The following OPCML variants were observed in gnomAD, a reference collection of about 807,000 sequenced individuals.
OPCML encodes the protein opioid-binding protein/cell adhesion molecule.
In OPCML, 13 loss-of-function variants were observed where a neutral mutation model predicts 37.8. That is an observed-to-expected ratio of 0.34 (90% confidence interval 0.22 to 0.55). The LOEUF is 0.55. OPCML is among the 20% of genes least tolerant of loss of function. The pLI is 0.91. For synonymous variants in OPCML, 176 were observed against 168.8 expected (o/e 1.04, Z -0.33); for missense variants, 341 against 435.6 (o/e 0.78, Z 1.93).
At chr11:132,556,547 T>A (rs1454658256) in intron 3 of OPCML, among the ~76,000 whole-genome samples, 1 of 152,162 alleles carries the variant, frequency 6.6e-6, no homozygotes, top group African/African-American at 2.4e-5. Flanking sequence ...GTGTGTGGAA[T>A]CTCAGCTCAT....
At chr11:133,521,984 A>G (rs1327703941) in intron 1 of OPCML, among the ~76,000 whole-genome samples, 1 of 152,134 alleles carries the variant, frequency 6.6e-6, no homozygotes, top group Non-Finnish European at 1.5e-5. Flanking sequence ...CCTGTTCTAC[A>G]TTTGTCTACA....
chr11:133,402,685 AC>A (rs1945432403), intron 1 of OPCML, among the ~76,000 whole-genome samples: 1 of 152,148 alleles, frequency 6.6e-6, no homozygotes, highest in Non-Finnish European at 1.5e-5. Flanking sequence ...AGCAGCCAGA[AC>A]CTAGGATGAG....
chr11:132,566,144 A>T (rs1224102083), intron 3 of OPCML, among the ~76,000 whole-genome samples: 1 of 152,270 alleles, frequency 6.6e-6, no homozygotes, highest in Non-Finnish European at 1.5e-5. Flanking sequence ...GATATCTGGT[A>T]GAGGAGAAAT....
intron 1 of OPCML, chr11:133,004,161 T>C (rs1442786631): frequency 1.0e-6 from 1 of 985,222 alleles, no homozygotes; most frequent in East Asian, 1.1e-4. Context: ...AGAGAGTGGG[T>C]CTCACTCCTC....
chr11:133,229,340 A>C (rs1221906725), intron 1 of OPCML, among the ~76,000 whole-genome samples: 1 of 152,184 alleles, frequency 6.6e-6, no homozygotes, highest in Non-Finnish European at 1.5e-5. Flanking sequence ...TCCTGACCAG[A>C]TCAATTGTCT....
Position 133,282,568 on chromosome 11 carries a change from G to A in OPCML, c.61+249696C>T, listed in dbSNP as rs932697277. On this transcript the variant is annotated intron_variant, in intron 1 of 7. Coordinates refer to ENST00000524381, the MANE Select transcript of OPCML (RefSeq NM_001012393.5). Reference sequence around the variant, plus strand: ...CCACTAGGGCAGTGCAGAGGGAGGGGAAATGGGGGGATGAAGCCCCCATGC... The same window carrying A: ...CCACTAGGGCAGTGCAGAGGGAGGGAAAATGGGGGGATGAAGCCCCCATGC... 4.6e-5 allele frequency among the ~76,000 whole-genome samples: 7 copies of A among 152,298 alleles called. No individual in the cohort carries two copies. The East Asian group carries it at 1.4e-3, about 29-fold the overall frequency.
At chr11:133,516,417 G>C (rs1033008858) in intron 1 of OPCML, among the ~76,000 whole-genome samples, 2 of 152,012 alleles carry the variant, frequency 1.3e-5, no homozygotes, top group Non-Finnish European at 2.9e-5. Flanking sequence ...AGATCTGGGG[G>C]GACACACTCA....
At chr11:133,207,365 C>T (rs1939125145) in intron 1 of OPCML, among the ~76,000 whole-genome samples, 1 of 152,008 alleles carries the variant, frequency 6.6e-6, no homozygotes, top group Non-Finnish European at 1.5e-5. Flanking sequence ...TGATACTGAG[C>T]AGGTTAACAG....
intron 2 of OPCML, among the ~76,000 whole-genome samples, chr11:132,901,296 TA>T (rs1944053856): frequency 6.6e-6 from 1 of 152,180 alleles, no homozygotes; most frequent in Non-Finnish European, 1.5e-5. Flanking sequence ...ACAAGCTAAA[TA>T]AACACCAGCT....
At chr11:132,952,970 A>G (rs1295081113) in intron 1 of OPCML, among the ~76,000 whole-genome samples, 1 of 152,226 alleles carries the variant, frequency 6.6e-6, no homozygotes, top group Non-Finnish European at 1.5e-5. Context: ...AAACTTTAAA[A>G]TAAACAAGCC....
chr11:132,442,073 G>A (rs764703213), intron 4 of OPCML, among the ~76,000 whole-genome samples: 1 of 152,226 alleles, frequency 6.6e-6, no homozygotes, highest in Admixed American at 6.5e-5. Flanking sequence ...GGATGAGCGA[G>A]GTGTTGTGTC....
At chr11:132,939,876 G>A (rs1365204844) in intron 2 of OPCML, among the ~76,000 whole-genome samples, 1 of 152,180 alleles carries the variant, frequency 6.6e-6, no homozygotes, top group Non-Finnish European at 1.5e-5. Flanking sequence ...CTGGCCAAGA[G>A]GGCCCATTTG....
rs550462327 is a variant in OPCML, at chr11:132,538,730, C to G, written c.380-9544G>C. Among the ~76,000 whole-genome samples, 58 of 152,268 alleles carry G rather than the reference C, an allele frequency of 3.8e-4. No individual in the cohort carries two copies. The South Asian group carries it at 0.011, about 30-fold the overall frequency. On this transcript the variant is annotated intron_variant, in intron 3 of 7. Coordinates refer to ENST00000524381, the MANE Select transcript of OPCML (RefSeq NM_001012393.5). ...ATAATGCTGCATAATGTCTGCTTAA[C>G]TCCCCATTTCTCATTACTTGCCCAC...
intron 1 of OPCML, among the ~76,000 whole-genome samples, chr11:133,471,318 A>G (rs1467025866): frequency 6.6e-6 from 1 of 152,232 alleles, no homozygotes; most frequent in Non-Finnish European, 1.5e-5. Context: ...TGTAAAATAG[A>G]GTGAAGAAGC....
chr11:132,582,408 C>T (rs765840072), intron 3 of OPCML, among the ~76,000 whole-genome samples: 1 of 151,838 alleles, frequency 6.6e-6, no homozygotes, highest in Non-Finnish European at 1.5e-5. Context: ...AATCAAAACG[C>T]CCACATAGCA....
intron 1 of OPCML, among the ~76,000 whole-genome samples, chr11:132,970,535 G>A (rs979511188): frequency 2.6e-5 from 4 of 152,170 alleles, no homozygotes; most frequent in African/African-American, 9.7e-5. Flanking sequence ...AGTGCCTACA[G>A]AGTATATTTA....
intron 1 of OPCML, among the ~76,000 whole-genome samples, chr11:133,152,625 C>T (rs1950003101): frequency 6.6e-6 from 1 of 151,944 alleles, no homozygotes; most frequent in Non-Finnish European, 1.5e-5. Flanking sequence ...GGTGCAGAGA[C>T]ATTTCTTCAG....
At chr11:133,355,424 G>A (rs2136702615) in intron 1 of OPCML, among the ~76,000 whole-genome samples, 1 of 152,312 alleles carries the variant, frequency 6.6e-6, no homozygotes, top group Middle Eastern at 3.4e-3. Context: ...ATCCAGGATT[G>A]TTAATTTAAG....
chr11:132,579,207 A>T (rs60056634), intron 3 of OPCML, among the ~76,000 whole-genome samples: 3,640 of 152,132 alleles, frequency 0.024, 104 homozygotes, highest in East Asian at 0.053. Flanking sequence ...TACATCGCTC[A>T]CTTCCTCCAA....
Sources: allele counts gnomAD v4.1 joint callset (sites outside exome capture counted in the v4.1 genomes callset), GRCh38; gene constraint gnomAD v4.1.1; transcripts MANE v1.5; gene names NCBI Gene and HGNC (gene_info 2026-07-23, HGNC 2026-07-21).